The following ADCK1 variants were observed in gnomAD, a reference collection of about 807,000 sequenced individuals.
ADCK1 encodes the protein aarF domain containing kinase 1, also known as aarF domain-containing protein kinase 1.
ADCK1 carries 41 observed loss-of-function variants against 52.3 expected under a neutral mutation model. The observed-to-expected ratio is 0.78, with a 90% CI of 0.61 to 1.02. The LOEUF (loss-of-function observed/expected upper bound fraction) is 1.02, where lower values mean the gene tolerates loss of function less well. Among genes scored for constraint, ADCK1 ranks in the 50% least tolerant of loss-of-function variants. The pLI is 0.00. For missense variants in ADCK1, 658 were observed against 679.5 expected, an observed-to-expected ratio of 0.97 and a Z score of 0.35; for synonymous variants, 250 against 274.6, an observed-to-expected ratio of 0.91 and a Z score of 0.89.
intron 3 of ADCK1, among the ~76,000 whole-genome samples, chr14:77,847,686 G>C (rs2082199664): frequency 1.3e-5 from 2 of 152,220 alleles, no homozygotes; most frequent in Non-Finnish European, 2.9e-5. Flanking sequence ...CCAGTGTGCT[G>C]CCCTTCCTGG....
At chr14:77,817,501 T>A (rs1208841505) in intron 1 of ADCK1, among the ~76,000 whole-genome samples, 2 of 152,124 alleles carry the variant, frequency 1.3e-5, no homozygotes, top group African/African-American at 4.8e-5. Context: ...GGGGAAGCAC[T>A]CTGTTGGGTG....
chr14:77,822,017 A>G (rs1384650798), intron 2 of ADCK1, among the ~76,000 whole-genome samples: 4 of 151,932 alleles, frequency 2.6e-5, no homozygotes, highest in African/African-American at 7.2e-5. Flanking sequence ...TTGATTGAGC[A>G]TTTACTCAAT....
intron 7 of ADCK1, among the ~76,000 whole-genome samples, chr14:77,913,202 A>G (rs577218982): frequency 6.6e-6 from 1 of 152,206 alleles, no homozygotes; most frequent in African/African-American, 2.4e-5. Context: ...GTTTGCAAGA[A>G]TCTGCATTTC....
intron 3 of ADCK1, among the ~76,000 whole-genome samples, chr14:77,846,125 C>T (rs1322928882): frequency 3.3e-5 from 5 of 152,104 alleles, no homozygotes; most frequent in Non-Finnish European, 2.9e-5. Context: ...CTTAGTTGCT[C>T]CTCTGACCAG....
At chr14:77,912,870 G>C (rs2083827760) in intron 7 of ADCK1, among the ~76,000 whole-genome samples, 1 of 152,228 alleles carries the variant, frequency 6.6e-6, no homozygotes, top group South Asian at 2.1e-4. Flanking sequence ...CAATAGACTT[G>C]GATAGGGAAA....
chr14:77,851,827 G>A (rs185017628), intron 3 of ADCK1, among the ~76,000 whole-genome samples: 2 of 151,960 alleles, frequency 1.3e-5, no homozygotes, highest in East Asian at 3.9e-4. Flanking sequence ...TAATAATTTG[G>A]TTAAGCAATC....
chr14:77,810,184 C>T (rs149607455), intron 1 of ADCK1, among the ~76,000 whole-genome samples: 1 of 152,012 alleles, frequency 6.6e-6, no homozygotes, highest in East Asian at 1.9e-4. Context: ...CTCACCACTA[C>T]ACTCACTGCA....
At chr14:77,813,981 T>A (rs2081388409) in intron 1 of ADCK1, among the ~76,000 whole-genome samples, 1 of 152,060 alleles carries the variant, frequency 6.6e-6, no homozygotes, top group South Asian at 2.1e-4. Context: ...TTGGCAAGGC[T>A]GGTCTCAAAC....
chr14:77,852,883 G>GTATATATATA (rs1287274541), intron 3 of ADCK1, among the ~76,000 whole-genome samples: 8 of 18,514 alleles, frequency 4.3e-4, no homozygotes, highest in African/African-American at 1.9e-3. Flanking sequence ...TTTTATGTGT[G>GTATATATATA]TATATATATA....
intron 3 of ADCK1, among the ~76,000 whole-genome samples, chr14:77,835,576 G>T (rs2081943706): frequency 1.3e-5 from 2 of 152,190 alleles, no homozygotes; most frequent in African/African-American, 2.4e-5. Context: ...GTCACCTGGG[G>T]AGCCTTATAA....
At chr14:77,832,716 C>G (rs766925582) in intron 3 of ADCK1, among the ~76,000 whole-genome samples, 13 of 152,206 alleles carry the variant, frequency 8.5e-5, no homozygotes, top group Non-Finnish European at 1.6e-4. Context: ...GGTGCTGGCT[C>G]TTTGCTTCAG....
At chr14:77,883,378 G>C (rs934723531) in intron 4 of ADCK1, among the ~76,000 whole-genome samples, 12 of 145,852 alleles carry the variant, frequency 8.2e-5, no homozygotes, top group Admixed American at 2.7e-4. Flanking sequence ...CTGATTGGAG[G>C]GGGGTGGTGT....
intron 1 of ADCK1, among the ~76,000 whole-genome samples, chr14:77,801,890 G>A (rs2081117970): frequency 6.6e-6 from 1 of 152,070 alleles, no homozygotes; most frequent in East Asian, 1.9e-4. Flanking sequence ...GCAGTGAGCC[G>A]AGATCGTGTC....
At chr14:77,835,235 T>TA (rs1367128442) in intron 3 of ADCK1, among the ~76,000 whole-genome samples, 1 of 152,178 alleles carries the variant, frequency 6.6e-6, no homozygotes, top group African/African-American at 2.4e-5. Context: ...GCTTGTATTT[T>TA]AAAAAATGCG....
At chr14:77,916,931 T>A (rs942041012) in intron 7 of ADCK1, among the ~76,000 whole-genome samples, 1 of 152,150 alleles carries the variant, frequency 6.6e-6, no homozygotes, top group Non-Finnish European at 1.5e-5. Flanking sequence ...TATGGTAAAA[T>A]GCTCTAGGGC....
At chr14:77,881,261 A>G (rs2083016317) in intron 4 of ADCK1, among the ~76,000 whole-genome samples, 1 of 152,206 alleles carries the variant, frequency 6.6e-6, no homozygotes, top group African/African-American at 2.4e-5. Context: ...CACTGTTGTC[A>G]GGAGGCCTTG....
At chr14:77,817,469 C>A (rs1234211084) in intron 1 of ADCK1, among the ~76,000 whole-genome samples, 2 of 152,222 alleles carry the variant, frequency 1.3e-5, no homozygotes, top group South Asian at 2.1e-4. Flanking sequence ...TTTAGTCTGA[C>A]ATAAATTGCT....
intron 7 of ADCK1, among the ~76,000 whole-genome samples, chr14:77,912,286 A>T (rs946842558): frequency 6.6e-6 from 1 of 152,132 alleles, no homozygotes; most frequent in Non-Finnish European, 1.5e-5. Context: ...ACAGTGGGCT[A>T]TGGGCCACTA....
intron 9 of ADCK1, among the ~76,000 whole-genome samples, chr14:77,928,111 A>AAG (rs1163016775): frequency 6.6e-6 from 1 of 152,140 alleles, no homozygotes; most frequent in East Asian, 1.9e-4. Context: ...TTTTGGAAGT[A>AAG]AGATTGAGTT....
Sources: gnomAD v4.1 joint callset for allele counts (sites outside exome capture counted in the v4.1 genomes callset) on GRCh38, gnomAD v4.1.1 for gene constraint, MANE v1.5 for transcripts, NCBI Gene and HGNC (gene_info 2026-07-23, HGNC 2026-07-21) for gene names.